ZCCHC24: variants seen among roughly 807,000 people sequenced by gnomAD.
ZCCHC24 encodes zinc finger CCHC domain-containing protein 24.
ZCCHC24 carries 10 observed loss-of-function variants against 26.2 expected under a neutral mutation model. The observed-to-expected ratio is 0.38, with a 90% CI of 0.24 to 0.65. The LOEUF (loss-of-function observed/expected upper bound fraction) is 0.65. Among genes scored for constraint, ZCCHC24 ranks in the 30% least tolerant of loss-of-function variants. The pLI is 0.54. For missense variants in ZCCHC24, 243 were observed against 329.1 expected (o/e 0.74, Z 2.03); for synonymous variants, 144 against 147.1 (o/e 0.98, Z 0.15).
At chr10:79,407,466 G>A (rs758223995) in intron 2 of ZCCHC24, among the ~76,000 whole-genome samples, 1 of 152,192 alleles carries the variant, frequency 6.6e-6, no homozygotes, top group African/African-American at 2.4e-5. Flanking sequence ...CAGGACCATC[G>A]GGGCATTGGT....
chr10:79,406,328 C>A (rs896429645), intron 2 of ZCCHC24, among the ~76,000 whole-genome samples: 3 of 152,098 alleles, frequency 2.0e-5, no homozygotes, highest in African/African-American at 7.2e-5. Flanking sequence ...ACAAAGGACA[C>A]CTGTGGCACC....
intron 2 of ZCCHC24, among the ~76,000 whole-genome samples, chr10:79,410,713 G>A (rs183628853): frequency 6.1e-4 from 92 of 151,602 alleles, no homozygotes; most frequent in Middle Eastern, 6.8e-3. Flanking sequence ...GATCTCTTTG[G>A]CTGCTGAGTG....
chr10:79,386,346 C>T lies in ZCCHC24; in HGVS notation c.725G>A (p.Ter242=), dbSNP rs1438976983. ...CTCTGGGTGCGGGCGGGCAGCCCGTCACTGCACGCGACGGCAGTAGTAGCC... is the reference window on the plus strand; with the variant it reads ...CTCTGGGTGCGGGCGGGCAGCCCGTTACTGCACGCGACGGCAGTAGTAGCC... ...VLGYYCRRVQ[*] is the part of the protein sequence containing the mutation. Residue 242 remains the stop codon, a stop_retained_variant, in exon 4 of 4, where the codon TGA becomes TAA. Transcript: ENST00000372336. 6.2e-7 allele frequency: 1 copy of T among 1,612,582 alleles called. No individual in the cohort carries two copies.
chr10:79,408,628 T>C (rs1187469138), intron 2 of ZCCHC24, among the ~76,000 whole-genome samples: 1 of 152,154 alleles, frequency 6.6e-6, no homozygotes, highest in Non-Finnish European at 1.5e-5. Flanking sequence ...ATTCAGATCA[T>C]TAAAGCTGTG....
At position 79,383,649 on chromosome 10, in the gene ZCCHC24, A is replaced by T. The variant is rs1856354375; in HGVS notation, c.*2696T>A. 1 of 151,894 alleles carries T rather than the reference A, an allele frequency of 6.6e-6. No homozygotes were observed. Among genetic ancestry groups the T allele is most frequent in the African/African-American group, 2.4e-5 (1 of 41,298 alleles). 9.4% of individuals were successfully genotyped at this position (151,894 alleles called of 1,614,324 possible). ...TTCTTTTCTTTTTTTTTTTTTAAAA[A>T]AAGGCCCTCAAATATATACAGACAA... On this transcript the variant is annotated 3_prime_UTR_variant, in exon 4 of 4. Transcript: ENST00000372336.
At chr10:79,426,548 A>G (rs953082144) in intron 2 of ZCCHC24, among the ~76,000 whole-genome samples, 5 of 152,218 alleles carry the variant, frequency 3.3e-5, no homozygotes, top group Non-Finnish European at 7.3e-5. Context: ...AGCCAAAACA[A>G]GGAGCGAATA....
intron 1 of ZCCHC24, among the ~76,000 whole-genome samples, chr10:79,433,647 C>T (rs1198120843): frequency 6.6e-6 from 1 of 152,234 alleles, no homozygotes; most frequent in Admixed American, 6.5e-5. Flanking sequence ...AACAACAAAT[C>T]TGGGCTTGGG....
chr10:79,419,846 C>G (rs894072940), intron 2 of ZCCHC24, among the ~76,000 whole-genome samples: 1 of 152,078 alleles, frequency 6.6e-6, no homozygotes, highest in African/African-American at 2.4e-5. Context: ...CATCTCTGTC[C>G]CTAAGGCTCA....
At chr10:79,387,448 T>C (rs1414912496) in intron 3 of ZCCHC24, among the ~76,000 whole-genome samples, 1 of 152,206 alleles carries the variant, frequency 6.6e-6, no homozygotes, top group Non-Finnish European at 1.5e-5. Flanking sequence ...CGAAGACTTG[T>C]TTCCCTGGAG....
At chr10:79,440,514 G>A (rs1366093682) in intron 1 of ZCCHC24, among the ~76,000 whole-genome samples, 2 of 152,182 alleles carry the variant, frequency 1.3e-5, no homozygotes, top group African/African-American at 4.8e-5. Flanking sequence ...CCCTCACTGG[G>A]ACCCAGAGGC....
At chr10:79,399,044 CT>C (rs5786400) in intron 2 of ZCCHC24, among the ~76,000 whole-genome samples, 124,011 of 151,978 alleles carry the variant, frequency 0.82, 50,801 homozygotes, top group East Asian at 0.92. Flanking sequence ...GAGAGACCCC[CT>C]AGCAGGAATT....
intron 1 of ZCCHC24, among the ~76,000 whole-genome samples, chr10:79,442,687 C>A (rs1295240700): frequency 6.6e-6 from 1 of 152,222 alleles, no homozygotes; most frequent in Non-Finnish European, 1.5e-5. Context: ...AGAGTCCCCT[C>A]CGGCCCACAC....
chr10:79,427,822 TGA>T (rs1466824974), intron 2 of ZCCHC24, among the ~76,000 whole-genome samples: 2 of 151,970 alleles, frequency 1.3e-5, no homozygotes, highest in African/African-American at 4.8e-5. Flanking sequence ...GAGTCTGCAA[TGA>T]GTTATGATCA....
intron 2 of ZCCHC24, chr10:79,403,685 G>T: frequency 2.4e-6 from 2 of 837,146 alleles, no homozygotes; most frequent in Non-Finnish European, 2.9e-6. Flanking sequence ...CCCTCTTCTG[G>T]GTTCCTGCTG....
At chr10:79,418,632 G>A (rs978225707) in intron 2 of ZCCHC24, among the ~76,000 whole-genome samples, 7 of 152,236 alleles carry the variant, frequency 4.6e-5, no homozygotes, top group African/African-American at 1.4e-4. Context: ...GTGGAGTGGG[G>A]ATGAGAAGGC....
chr10:79,402,158 C>T (rs1030286148), intron 2 of ZCCHC24, among the ~76,000 whole-genome samples: 1 of 152,214 alleles, frequency 6.6e-6, no homozygotes, highest in African/African-American at 2.4e-5. Flanking sequence ...GGTCATTCTC[C>T]CTAGTGTCTC....
chr10:79,403,543 C>T (rs1856667472), intron 2 of ZCCHC24: 1 of 985,294 alleles, frequency 1.0e-6, no homozygotes. Context: ...GACAGGTGGG[C>T]TGGGCCGCGG....
intron 2 of ZCCHC24, among the ~76,000 whole-genome samples, chr10:79,422,355 C>T (rs1224506546): frequency 2.0e-5 from 3 of 152,216 alleles, no homozygotes; most frequent in Non-Finnish European, 4.4e-5. Flanking sequence ...CAGACATGGG[C>T]TGGGGGCCTC....
rs536966400 is a variant in ZCCHC24, at chr10:79,400,920, C to T, written c.448-6480G>A. On this transcript the variant is annotated intron_variant, in intron 2 of 3. Transcript: ENST00000372336. Reference sequence around the variant, plus strand: ...ACTGTCACGTGACACCACAGCCTGACTGGTCACTCCCCTCCAGGTGCTTGA... The same window carrying T: ...ACTGTCACGTGACACCACAGCCTGATTGGTCACTCCCCTCCAGGTGCTTGA... Among the ~76,000 whole-genome samples the T allele has an allele frequency of 1.9e-3, 294 of 152,390 alleles. 2 individuals are homozygous for T. Among genetic ancestry groups the T allele is most frequent in the African/African-American group, 6.7e-3 (280 of 41,596 alleles).
Sources: allele counts gnomAD v4.1 joint callset (sites outside exome capture counted in the v4.1 genomes callset), GRCh38; gene constraint gnomAD v4.1.1; transcripts MANE v1.5; gene names NCBI Gene and HGNC (gene_info 2026-07-23, HGNC 2026-07-21).